Variants in SCFD2 observed in about 807,000 individuals in gnomAD.
SCFD2 encodes the protein sec1 family domain containing 2, also known as sec1 family domain-containing protein 2.
In SCFD2, 54 loss-of-function variants were observed where a neutral mutation model predicts 58.9. The ratio of observed to expected loss-of-function variants is 0.92; its 90% CI spans 0.74 to 1.15. SCFD2 has a LOEUF of 1.15. Among genes scored for constraint, SCFD2 ranks in the 50% most tolerant of loss-of-function variants. SCFD2 has a pLI of 0.00. For missense variants in SCFD2, 805 were observed against 836.6 expected, an observed-to-expected ratio of 0.96 and a Z score of 0.47; for synonymous variants, 321 against 335.9, an observed-to-expected ratio of 0.96 and a Z score of 0.49.
At chr4:52,986,753 C>A (rs1291337486) in intron 5 of SCFD2, among the ~76,000 whole-genome samples, 1 of 151,950 alleles carries the variant, frequency 6.6e-6, no homozygotes, top group Non-Finnish European at 1.5e-5. Flanking sequence ...CCCGCCTCGG[C>A]CTCACAAAGT....
chr4:52,905,469 C>A (rs996319088), intron 7 of SCFD2, among the ~76,000 whole-genome samples: 2 of 152,286 alleles, frequency 1.3e-5, no homozygotes, highest in African/African-American at 4.8e-5. Context: ...TCTCCCCCAC[C>A]CCCTGTAGAT....
chr4:53,267,462 C>T (rs1731025366), intron 4 of SCFD2, among the ~76,000 whole-genome samples: 1 of 152,216 alleles, frequency 6.6e-6, no homozygotes, highest in South Asian at 2.1e-4. Context: ...AAAACCCTAA[C>T]TTGTAAGGAC....
intron 4 of SCFD2, among the ~76,000 whole-genome samples, chr4:53,178,567 C>T (rs1191763262): frequency 6.6e-6 from 1 of 152,128 alleles, no homozygotes; most frequent in East Asian, 1.9e-4. Context: ...AGCAGAAAAA[C>T]TGGAAACTCT....
chr4:53,038,510 A>G (rs1722818252), intron 5 of SCFD2, among the ~76,000 whole-genome samples: 1 of 152,298 alleles, frequency 6.6e-6, no homozygotes, highest in East Asian at 1.9e-4. Context: ...ATTGTAAAAC[A>G]GTTTGCTTTT....
At chr4:53,275,119 G>A (rs974883117) in intron 3 of SCFD2, among the ~76,000 whole-genome samples, 2 of 152,144 alleles carry the variant, frequency 1.3e-5, no homozygotes, top group African/African-American at 4.8e-5. Context: ...TAGAAAACGA[G>A]GCTTGTGCTG....
intron 3 of SCFD2, among the ~76,000 whole-genome samples, chr4:53,308,818 T>C (rs1732595819): frequency 6.6e-6 from 1 of 152,132 alleles, no homozygotes; most frequent in South Asian, 2.1e-4. Context: ...AAATCACAAA[T>C]CTTATCTGGG....
At chr4:53,134,888 CAG>C (rs1307949197) in intron 5 of SCFD2, among the ~76,000 whole-genome samples, 1 of 152,090 alleles carries the variant, frequency 6.6e-6, no homozygotes, top group Non-Finnish European at 1.5e-5. Context: ...CTTTAGTTTC[CAG>C]AGATGTCTGC....
intron 7 of SCFD2, among the ~76,000 whole-genome samples, chr4:52,894,757 G>C (rs547162410): frequency 1.6e-4 from 25 of 152,264 alleles, no homozygotes; most frequent in African/African-American, 5.1e-4. Context: ...AGTACATCAA[G>C]TTACTTCAAA....
intron 2 of SCFD2, among the ~76,000 whole-genome samples, chr4:53,342,094 T>C (rs1223904935): frequency 6.6e-6 from 1 of 152,096 alleles, no homozygotes; most frequent in Non-Finnish European, 1.5e-5. Context: ...CAGGATCAAA[T>C]TCACACACAA....
At chr4:52,928,484 G>A (rs1719913001) in intron 5 of SCFD2, among the ~76,000 whole-genome samples, 1 of 152,124 alleles carries the variant, frequency 6.6e-6, no homozygotes, top group Admixed American at 6.5e-5. Context: ...AGTGAGGAAG[G>A]CAGACTAACA....
intron 5 of SCFD2, among the ~76,000 whole-genome samples, chr4:52,958,429 G>A (rs1720762223): frequency 6.6e-6 from 1 of 152,194 alleles, no homozygotes; most frequent in Admixed American, 6.5e-5. Context: ...GGAAGGGAGA[G>A]TGCCGGACAA....
At chr4:53,317,912 C>CAGTAGT (rs1369960113) in intron 2 of SCFD2, among the ~76,000 whole-genome samples, 1 of 152,268 alleles carries the variant, frequency 6.6e-6, no homozygotes, top group African/African-American at 2.4e-5. Context: ...AGTGCTACAG[C>CAGTAGT]AGTAGTAGTA....
chr4:53,316,529 G>A (rs1478794685), intron 2 of SCFD2, among the ~76,000 whole-genome samples: 1 of 152,154 alleles, frequency 6.6e-6, no homozygotes, highest in East Asian at 1.9e-4. Flanking sequence ...GGTGGTTGTA[G>A]TTGTTACTAG....
chr4:53,107,901 AC>A, intron 5 of SCFD2, among the ~76,000 whole-genome samples: 2 of 152,318 alleles, frequency 1.3e-5, no homozygotes, highest in South Asian at 4.1e-4. Context: ...AGAATTCTCC[AC>A]CCCAAATCAA....
At chr4:53,040,398 A>G (rs531392937) in intron 5 of SCFD2, among the ~76,000 whole-genome samples, 1 of 151,994 alleles carries the variant, frequency 6.6e-6, no homozygotes, top group Non-Finnish European at 1.5e-5. Context: ...TAAATAATCC[A>G]CATTGGAATT....
chr4:53,005,968 G>A (rs1721962501), intron 5 of SCFD2, among the ~76,000 whole-genome samples: 1 of 152,186 alleles, frequency 6.6e-6, no homozygotes, highest in African/African-American at 2.4e-5. Flanking sequence ...AAAAGAGGAA[G>A]GAGGGGGACC....
At chr4:53,289,701 A>G (rs1731778668) in intron 3 of SCFD2, among the ~76,000 whole-genome samples, 1 of 152,294 alleles carries the variant, frequency 6.6e-6, no homozygotes. Context: ...GAAAACAACA[A>G]CAACAAGATC....
chr4:53,094,209 T>C (rs1300045693), intron 5 of SCFD2, among the ~76,000 whole-genome samples: 2 of 152,148 alleles, frequency 1.3e-5, no homozygotes, highest in Non-Finnish European at 2.9e-5. Flanking sequence ...CATTCCATCC[T>C]TTCTCCTCTA....
At chr4:53,144,029 G>T (rs1307499122) in intron 5 of SCFD2, among the ~76,000 whole-genome samples, 1 of 152,034 alleles carries the variant, frequency 6.6e-6, no homozygotes, top group African/African-American at 2.4e-5. Context: ...TGGAAGTGAA[G>T]GTAGTTAGAT....
Sources: gnomAD v4.1 joint callset for allele counts (sites outside exome capture counted in the v4.1 genomes callset) on GRCh38, gnomAD v4.1.1 for gene constraint, MANE v1.5 for transcripts, NCBI Gene and HGNC (gene_info 2026-07-23, HGNC 2026-07-21) for gene names.